Variants in ADGRG5 observed in about 807,000 individuals in gnomAD.
ADGRG5 encodes the protein adhesion G protein-coupled receptor G5.
In ADGRG5, 37 loss-of-function variants were observed where a neutral mutation model predicts 53.2. That is an observed-to-expected ratio of 0.70 (90% CI 0.53 to 0.91). The LOEUF is 0.91. ADGRG5 is among the 40% of genes least tolerant of loss of function. The probability of loss-of-function intolerance (pLI) is 0.00; values close to 1 mark genes in which losing one functional copy is unlikely to be tolerated. For missense variants in ADGRG5, 614 were observed against 675.8 expected, an observed-to-expected ratio of 0.91 and a Z score of 1.01; for synonymous variants, 277 against 290.4, an observed-to-expected ratio of 0.95 and a Z score of 0.47.
At chr16:57,535,316 C>T in the ADGRG5 span, among the ~76,000 whole-genome samples, 2 of 152,132 alleles carry the variant, frequency 1.3e-5, no homozygotes, top group Non-Finnish European at 1.5e-5. Flanking sequence ...GCACCCCTGG[C>T]CTATTCCCAG....
At position 57,576,791 on chromosome 16, in the gene ADGRG5, T is replaced by C. The variant is rs929949416; in HGVS notation, c.*1253T>C. On this transcript the variant is annotated 3_prime_UTR_variant, in exon 12 of 12. Transcript: ENST00000349457. ...GCTCTTGGGGGCTGCACCCCAGACA[T>C]AGCTGGCACCAGAGCAGGGTGCTCA... The C allele has an allele frequency of 6.6e-6, 1 of 152,190 alleles. No individual in the cohort carries two copies. Among genetic ancestry groups the C allele is most frequent in the Non-Finnish European group, 1.5e-5 (1 of 68,040 alleles). 9.4% of individuals were successfully genotyped at this position (152,190 alleles called of 1,614,324 possible).
chr16:57,555,381 C>T (rs2032859460), intron 1 of ADGRG5, among the ~76,000 whole-genome samples: 1 of 152,084 alleles, frequency 6.6e-6, no homozygotes, highest in Non-Finnish European at 1.5e-5. Context: ...TTATAAGCAT[C>T]TGGTTTTTCC....
intron 1 of ADGRG5, among the ~76,000 whole-genome samples, chr16:57,551,682 G>A (rs1252483347): frequency 6.6e-6 from 1 of 152,124 alleles, no homozygotes; most frequent in East Asian, 1.9e-4. Flanking sequence ...CATGAAGCAT[G>A]GAATCAACCT....
At chr16:57,533,539 C>G in the ADGRG5 span, among the ~76,000 whole-genome samples, 350 of 151,742 alleles carry the variant, frequency 2.3e-3, 2 homozygotes, top group African/African-American at 8.1e-3. Context: ...CACACACTCA[C>G]ACACACACCC....
intron 3 of ADGRG5, 113 bp from the exon 4 acceptor site, chr16:57,562,978 G>T: frequency 2.1e-6 from 2 of 950,784 alleles, no homozygotes; most frequent in Non-Finnish European, 3.3e-6. Context: ...CTGGAGGTGC[G>T]TGTGACAGAG....
Position 57,562,109 on chromosome 16 carries a change from G to A in ADGRG5, c.16G>A (p.Ala6Thr), listed in dbSNP as rs1435163534. The change falls in exon 2 of 12, where the codon GCC (alanine) becomes ACC (threonine). Residue 6 changes from alanine (A) to threonine (T), a missense_variant. By Grantham distance (58) the Ala-to-Thr change is moderately conservative. Transcript: ENST00000349457. ...TGCACAGGGCATGGATCACTGTGGT[G>A]CCCTTTTCCTGTGCCTGTGCCTTCT... MDHCG[A>T]LFLCLCLLTL... 1 of 1,598,540 alleles carries A rather than the reference G, an allele frequency of 6.3e-7. No individual in the cohort carries two copies. Among genetic ancestry groups the A allele is most frequent in the Non-Finnish European group, 8.6e-7 (1 of 1,169,544 alleles).
chr16:57,550,463 A>T (rs896959848), intron 1 of ADGRG5, among the ~76,000 whole-genome samples: 3 of 152,218 alleles, frequency 2.0e-5, no homozygotes, highest in African/African-American at 7.2e-5. Context: ...CGTTTTGCTA[A>T]CCATGACTTT....
intron 1 of ADGRG5, among the ~76,000 whole-genome samples, chr16:57,548,216 T>C (rs1367610081): frequency 1.3e-5 from 2 of 151,192 alleles, no homozygotes; most frequent in African/African-American, 4.9e-5. Context: ...TAATTCTTAA[T>C]AGTGAAATGA....
the ADGRG5 span, chr16:57,529,148 G>A: frequency 8.4e-7 from 1 of 1,184,526 alleles, no homozygotes. This position sits in a 1 kb window ranked among gnomAD's most constrained non-coding sequence, Gnocchi z 4.1. Flanking sequence ...GCGGGGACTC[G>A]GCCAGCCGGG....
intron 1 of ADGRG5, among the ~76,000 whole-genome samples, chr16:57,557,504 A>G (rs965064743): frequency 3.9e-5 from 6 of 152,116 alleles, no homozygotes; most frequent in Non-Finnish European, 8.8e-5. Flanking sequence ...GTCTTTTATT[A>G]ATTTTGGAAA....
chr16:57,537,530 G>A, the ADGRG5 span, among the ~76,000 whole-genome samples: 1 of 152,232 alleles, frequency 6.6e-6, no homozygotes, highest in African/African-American at 2.4e-5. Flanking sequence ...GCTTTTTCTT[G>A]TAATAGTTGA....
intron 1 of ADGRG5, among the ~76,000 whole-genome samples, chr16:57,553,556 A>G (rs1157464059): frequency 6.6e-6 from 1 of 152,250 alleles, no homozygotes; most frequent in Non-Finnish European, 1.5e-5. Flanking sequence ...TCCTTATGCC[A>G]GTAACACACT....
chr16:57,534,616 G>A, the ADGRG5 span, among the ~76,000 whole-genome samples: 7 of 152,188 alleles, frequency 4.6e-5, no homozygotes, highest in African/African-American at 1.4e-4. Flanking sequence ...GTCCACGAGC[G>A]AGGGCATCAG....
At chr16:57,551,204 C>T (rs577275936) in intron 1 of ADGRG5, among the ~76,000 whole-genome samples, 2 of 152,288 alleles carry the variant, frequency 1.3e-5, no homozygotes, top group African/African-American at 4.8e-5. Flanking sequence ...AAAGTCTTGC[C>T]TTGATGCTGA....
chr16:57,562,026 C>G, intron 1 of ADGRG5, 30 bp from the exon 2 acceptor site: 1 of 1,333,474 alleles, frequency 7.5e-7, no homozygotes. Context: ...GCTCTTTTAT[C>G]ATCATGGTGA....
chr16:57,536,562 G>T, the ADGRG5 span: 2 of 152,066 alleles, frequency 1.3e-5, no homozygotes, highest in African/African-American at 4.8e-5. Flanking sequence ...AGCGGGCACC[G>T]TGCAGCTGCG....
the ADGRG5 span, among the ~76,000 whole-genome samples, chr16:57,533,486 A>T: frequency 6.6e-6 from 1 of 150,586 alleles, no homozygotes; most frequent in East Asian, 2.0e-4. Flanking sequence ...ACATTCACAC[A>T]CACACCCCCA....
At chr16:57,571,429 C>G (rs2033354507) in intron 10 of ADGRG5, among the ~76,000 whole-genome samples, 1 of 151,540 alleles carries the variant, frequency 6.6e-6, no homozygotes, top group African/African-American at 2.4e-5. Flanking sequence ...CCCCCAGCCC[C>G]TGAAGCAGGG....
upstream of ADGRG5, among the ~76,000 whole-genome samples, chr16:57,540,389 C>G (rs1293531910): frequency 6.6e-6 from 1 of 152,294 alleles, no homozygotes; most frequent in Non-Finnish European, 1.5e-5. Context: ...GGGGTCCCAC[C>G]TACAATCTTC....
Sources: gnomAD v4.1 joint callset for allele counts (sites outside exome capture counted in the v4.1 genomes callset) on GRCh38, gnomAD v4.1.1 for gene constraint, Gnocchi (gnomAD v3.1) non-coding constraint, MANE v1.5 for transcripts, NCBI Gene and HGNC (gene_info 2026-07-23, HGNC 2026-07-21) for gene names.